ZNF469: variants seen among roughly 807,000 people sequenced by gnomAD.
ZNF469 encodes the protein zinc finger protein 469.
ZNF469 carries 1 observed loss-of-function variant against 1.0 expected under a neutral mutation model. The ratio of observed to expected loss-of-function variants is 1.00; its 90% CI spans 0.35 to 4.73. The LOEUF is 4.73. ZNF469 is among the 30% of genes most tolerant of loss of function. The probability of loss-of-function intolerance (pLI) is 0.16; values close to 1 mark genes in which losing one functional copy is unlikely to be tolerated. For synonymous variants in ZNF469, 2,703 were observed against 2,363.4 expected (o/e 1.14, Z -4.17); for missense variants, 6,100 against 5,356.3 (o/e 1.14, Z -4.33).
the ZNF469 span, among the ~76,000 whole-genome samples, chr16:88,275,690 A>T: frequency 6.6e-6 from 1 of 152,140 alleles, no homozygotes; most frequent in South Asian, 2.1e-4. Flanking sequence ...GCAGCTTCTA[A>T]ACCGGTGTTT....
the ZNF469 span, among the ~76,000 whole-genome samples, chr16:88,140,807 C>T: frequency 6.6e-6 from 1 of 152,104 alleles, no homozygotes; most frequent in Non-Finnish European, 1.5e-5. Flanking sequence ...GTGGCGGGCG[C>T]CTATAATCCC....
the ZNF469 span, among the ~76,000 whole-genome samples, chr16:88,321,192 T>C: frequency 1.3e-5 from 2 of 152,250 alleles, no homozygotes; most frequent in Non-Finnish European, 2.9e-5. Context: ...GGTCCTGGGG[T>C]GCCCCCCACC....
chr16:88,174,156 A>G, the ZNF469 span, among the ~76,000 whole-genome samples: 3 of 152,232 alleles, frequency 2.0e-5, no homozygotes, highest in Non-Finnish European at 4.4e-5. Context: ...TAGAAAAAAG[A>G]TATATCATGC....
the ZNF469 span, among the ~76,000 whole-genome samples, chr16:88,305,945 C>T: frequency 6.6e-5 from 10 of 152,168 alleles, no homozygotes; most frequent in African/African-American, 2.4e-4. Flanking sequence ...GTCACGTAAA[C>T]CCACACACTC....
chr16:88,229,389 G>A, the ZNF469 span, among the ~76,000 whole-genome samples: 1 of 152,222 alleles, frequency 6.6e-6, no homozygotes, highest in African/African-American at 2.4e-5. Flanking sequence ...GCCCTGGGAG[G>A]ACTTAACGAT....
chr16:88,337,131 G>A, the ZNF469 span, among the ~76,000 whole-genome samples: 346 of 152,322 alleles, frequency 2.3e-3, 1 homozygote, highest in African/African-American at 7.8e-3. Context: ...GAGTAGTGCC[G>A]CTATGAACGT....
chr16:88,124,174 C>G, the ZNF469 span, among the ~76,000 whole-genome samples: 1 of 152,114 alleles, frequency 6.6e-6, no homozygotes, highest in South Asian at 2.1e-4. Context: ...GGATGCAAGT[C>G]CTTTATCAGG....
At chr16:88,220,493 A>G in the ZNF469 span, among the ~76,000 whole-genome samples, 1 of 152,082 alleles carries the variant, frequency 6.6e-6, no homozygotes, top group Admixed American at 6.5e-5. Flanking sequence ...AGGTGACAGA[A>G]TGCCACAGTG....
At chr16:88,287,407 C>G in the ZNF469 span, among the ~76,000 whole-genome samples, 1 of 152,230 alleles carries the variant, frequency 6.6e-6, no homozygotes, top group Non-Finnish European at 1.5e-5. Context: ...TTGTGTACAA[C>G]CGCACCAGCG....
At chr16:88,248,698 T>G in the ZNF469 span, among the ~76,000 whole-genome samples, 3 of 151,986 alleles carry the variant, frequency 2.0e-5, no homozygotes, top group African/African-American at 7.3e-5. Context: ...AACTTTGGAG[T>G]TAGAAACCTT....
chr16:88,122,270 A>AT, the ZNF469 span, among the ~76,000 whole-genome samples: 3 of 149,884 alleles, frequency 2.0e-5, no homozygotes, highest in Non-Finnish European at 3.0e-5. Context: ...CTCTGATCAC[A>AT]CCCCATCACT....
chr16:88,408,064 C>A (rs922378863), intron 1 of ZNF469, among the ~76,000 whole-genome samples: 1 of 152,244 alleles, frequency 6.6e-6, no homozygotes, highest in Non-Finnish European at 1.5e-5. Flanking sequence ...CTTAGACTTC[C>A]TGTAAGCTTT....
At chr16:88,249,428 T>C in the ZNF469 span, among the ~76,000 whole-genome samples, 1 of 42,768 alleles carries the variant, frequency 2.3e-5, no homozygotes, top group African/African-American at 9.6e-5. Context: ...TTTTTCTTTT[T>C]CTTTTTTTTT....
the ZNF469 span, among the ~76,000 whole-genome samples, chr16:88,118,929 A>G: frequency 1.5e-4 from 23 of 152,330 alleles, no homozygotes; most frequent in East Asian, 4.2e-3. Context: ...ACGGAGATGC[A>G]GTTCACTTGT....
chr16:88,426,006 A>G (rs974412387), intron 2 of ZNF469, among the ~76,000 whole-genome samples: 11 of 152,164 alleles, frequency 7.2e-5, no homozygotes, highest in Non-Finnish European at 1.3e-4. Context: ...ACAGGTACCA[A>G]CCTCGTGCTG....
At chr16:88,354,687 G>C in the ZNF469 span, among the ~76,000 whole-genome samples, 2 of 152,158 alleles carry the variant, frequency 1.3e-5, no homozygotes, top group African/African-American at 2.4e-5. Context: ...GTGTCTAAAC[G>C]CTCTTTGAAT....
intron 1 of ZNF469, among the ~76,000 whole-genome samples, chr16:88,387,246 G>A (rs916044843): frequency 6.6e-6 from 1 of 152,218 alleles, no homozygotes; most frequent in Non-Finnish European, 1.5e-5. Flanking sequence ...TGGCCGGAGG[G>A]TTGCGGCCTT....
the ZNF469 span, among the ~76,000 whole-genome samples, chr16:88,162,146 G>A: frequency 6.6e-6 from 1 of 152,130 alleles, no homozygotes; most frequent in African/African-American, 2.4e-5. Context: ...ATGGAAACAT[G>A]AGAGTTGAGA....
the ZNF469 span, among the ~76,000 whole-genome samples, chr16:88,139,377 T>A: frequency 2.6e-5 from 4 of 151,510 alleles, no homozygotes; most frequent in African/African-American, 9.7e-5. Flanking sequence ...GAAAAGTGGA[T>A]CCGAAACCTT....
Sources: allele counts gnomAD v4.1 joint callset (sites outside exome capture counted in the v4.1 genomes callset), GRCh38; gene constraint gnomAD v4.1.1; transcripts MANE v1.5; gene names NCBI Gene and HGNC (gene_info 2026-07-23, HGNC 2026-07-21).